The following TTC7A variants were observed in gnomAD, a reference collection of about 807,000 sequenced individuals.
The protein encoded by TTC7A is tetratricopeptide repeat domain 7A, also known as tetratricopeptide repeat protein 7A.
A neutral mutation model predicts 103.7 loss-of-function variants in TTC7A; 110 were observed. The ratio of observed to expected loss-of-function variants is 1.06; its 90% confidence interval spans 0.91 to 1.24. The LOEUF is 1.24. TTC7A is among the 50% of genes most tolerant of loss of function. TTC7A has a pLI of 0.00. For synonymous variants in TTC7A, 521 were observed against 467.9 expected (o/e 1.11, Z -1.47); for missense variants, 1,340 against 1,116.3 (o/e 1.20, Z -2.86).
At chr2:47,012,768 C>T (rs1678211857) in intron 11 of TTC7A, among the ~76,000 whole-genome samples, 1 of 152,150 alleles carries the variant, frequency 6.6e-6, no homozygotes, top group African/African-American at 2.4e-5. Context: ...GGAGTCAGTC[C>T]TCCCAAGCAC....
upstream of TTC7A, chr2:46,916,140 C>A: frequency 2.0e-6 from 2 of 985,540 alleles, no homozygotes; most frequent in Non-Finnish European, 2.4e-6. Context: ...AAGCTGGCTC[C>A]CAACTCCGCT....
At chr2:47,055,622 A>G (rs1258502937) in intron 18 of TTC7A, among the ~76,000 whole-genome samples, 1 of 152,156 alleles carries the variant, frequency 6.6e-6, no homozygotes, top group Non-Finnish European at 1.5e-5. Flanking sequence ...ACAGTGGGCC[A>G]GAGCAGGAGA....
intron 3 of TTC7A, among the ~76,000 whole-genome samples, chr2:46,970,855 C>T (rs1192911562): frequency 6.6e-6 from 1 of 152,206 alleles, no homozygotes; most frequent in Non-Finnish European, 1.5e-5. Context: ...CACCCAGTGT[C>T]CTGGGCACCT....
chr2:47,035,128 T>A (rs933172602), intron 15 of TTC7A, among the ~76,000 whole-genome samples: 1 of 152,196 alleles, frequency 6.6e-6, no homozygotes, highest in African/African-American at 2.4e-5. Flanking sequence ...TATATTCCAA[T>A]GAGCAGGGGG....
chr2:46,946,159 C>T (rs936763864), intron 1 of TTC7A, among the ~76,000 whole-genome samples: 3 of 152,136 alleles, frequency 2.0e-5, no homozygotes, highest in Non-Finnish European at 4.4e-5. Context: ...GACTGGGTGG[C>T]CAGTAAATGG....
intron 10 of TTC7A, among the ~76,000 whole-genome samples, chr2:47,009,903 T>TTTGGG (rs1677848751): frequency 3.5e-5 from 2 of 56,584 alleles, no homozygotes; most frequent in African/African-American, 1.2e-4. Context: ...TTTTTTTTTT[T>TTTGGG]GGTGGTGGGG....
chr2:46,924,671 G>A (rs572971598), intron 2 of TTC7A, among the ~76,000 whole-genome samples: 8 of 151,430 alleles, frequency 5.3e-5, no homozygotes, highest in Admixed American at 3.3e-4. Flanking sequence ...CTGTCACCCT[G>A]GCTGGAGCGC....
At chr2:46,955,200 C>T (rs1671741935) in intron 2 of TTC7A, among the ~76,000 whole-genome samples, 1 of 151,198 alleles carries the variant, frequency 6.6e-6, no homozygotes, top group Admixed American at 6.6e-5. Context: ...ATCTCTCCCT[C>T]ACCCACGAGG....
chr2:46,980,951 C>T (rs969605778), intron 5 of TTC7A, among the ~76,000 whole-genome samples: 11 of 152,178 alleles, frequency 7.2e-5, no homozygotes, highest in South Asian at 4.1e-4. Flanking sequence ...GCTAGGTATG[C>T]GGAAGGCATG....
At chr2:46,926,493 T>C (rs547053269) in intron 2 of TTC7A, among the ~76,000 whole-genome samples, 77 of 152,308 alleles carry the variant, frequency 5.1e-4, no homozygotes, top group Non-Finnish European at 9.8e-4. Context: ...GACTTCCCTC[T>C]ATGATAAAAT....
At chr2:47,053,898 C>A (rs1275801368) in intron 18 of TTC7A, among the ~76,000 whole-genome samples, 1 of 152,156 alleles carries the variant, frequency 6.6e-6, no homozygotes, top group Admixed American at 6.5e-5. Context: ...TGTTTACTAC[C>A]ATCATCACAA....
chr2:47,014,583 C>CA (rs1276145417), intron 11 of TTC7A, among the ~76,000 whole-genome samples: 1 of 152,214 alleles, frequency 6.6e-6, no homozygotes. Context: ...TCCTGAGGCT[C>CA]ACAGTGAAAA....
At chr2:46,972,460 C>G (rs1056419758) in intron 3 of TTC7A, among the ~76,000 whole-genome samples, 10 of 152,006 alleles carry the variant, frequency 6.6e-5, no homozygotes, top group Non-Finnish European at 1.3e-4. Flanking sequence ...ATTGTGTAGA[C>G]TTCATTTTAA....
At position 46,922,365 on chromosome 2, in the gene TTC7A, C is replaced by T. The variant is rs191013573; in HGVS notation, c.82+5088C>T. Among the ~76,000 whole-genome samples the T allele has an allele frequency of 3.9e-5, 6 of 152,212 alleles. No homozygotes were observed. In the East Asian group the frequency reaches 1.2e-3, roughly 29 times the overall value. ...CTTTGTCTATGGGAGTCCTATGTGG[C>T]CTGGGCTGAGGCTATGTTTCCTCAA... On this transcript the variant is annotated intron_variant, in intron 2 of 20. Coordinates refer to the TTC7A transcript ENST00000409245.
chr2:47,029,464 A>C, intron 15 of TTC7A, 80 bp downstream of exon 15: 1 of 1,502,800 alleles, frequency 6.7e-7, no homozygotes, highest in Admixed American at 1.7e-5. Context: ...CTGCCCTGCC[A>C]TGGTGTCAGC....
chr2:46,926,059 C>T (rs557574630), intron 2 of TTC7A, among the ~76,000 whole-genome samples: 83 of 152,274 alleles, frequency 5.5e-4, no homozygotes, highest in African/African-American at 1.9e-3. Context: ...TGCCCTTAGT[C>T]TCTTATTTCT....
rs1012455701 is a variant in TTC7A, at chr2:47,006,638, C to T, written c.1204-3C>T. On this transcript the variant is annotated splice_region_variant and splice_polypyrimidine_tract_variant and intron_variant, in intron 9 of 19. Transcript: ENST00000319190. ...GTAAATGCTGACTATCTCCCCTCCC[C>T]AGTGCCTGGAGCGAGCCATGAAGTT... 2 of 1,613,592 alleles carry T rather than the reference C, an allele frequency of 1.2e-6. No homozygotes were observed. Among genetic ancestry groups the T allele is most frequent in the African/African-American group, 2.7e-5 (2 of 74,922 alleles).
In TTC7A at chr2:46,990,337, G is replaced by A. The variant is rs116127625; in HGVS notation, c.765-3113G>A. ...GTTATTTCCTGAGACAGAGGCCTCA[G>A]TGGAACCGAAGGAGCTTCTTGTGGG... On this transcript the variant is annotated intron_variant, in intron 5 of 19. Transcript: ENST00000319190. Among the ~76,000 whole-genome samples the A allele has an allele frequency of 1.2e-3, 179 of 152,322 alleles. 1 individual carries two copies. Among genetic ancestry groups the A allele is most frequent in the African/African-American group, 4.3e-3 (177 of 41,576 alleles).
chr2:46,952,856 C>A (rs1031840556), intron 2 of TTC7A, among the ~76,000 whole-genome samples: 5 of 152,174 alleles, frequency 3.3e-5, no homozygotes, highest in Admixed American at 3.3e-4. Flanking sequence ...CTATGCCTTT[C>A]TTTGTGCATT....
Sources: allele counts gnomAD v4.1 joint callset (sites outside exome capture counted in the v4.1 genomes callset), GRCh38; gene constraint gnomAD v4.1.1; transcripts MANE v1.5; gene names NCBI Gene and HGNC (gene_info 2026-07-23, HGNC 2026-07-21).